The following FHIT variants were observed in gnomAD, a reference collection of about 807,000 sequenced individuals.
FHIT encodes the protein fragile histidine triad diadenosine triphosphatase.
In FHIT, 19 loss-of-function variants were observed where a neutral mutation model predicts 17.9. The observed-to-expected ratio is 1.06, with a 90% CI of 0.74 to 1.56. The LOEUF is 1.56. Ranked by LOEUF, FHIT falls within the 40% of genes most tolerant of loss-of-function variation. FHIT has a pLI of 0.00. For synonymous variants in FHIT, 81 were observed against 69.7 expected, an observed-to-expected ratio of 1.16 and a Z score of -0.81; for missense variants, 248 against 189.2, an observed-to-expected ratio of 1.31 and a Z score of -1.82.
At chr3:60,743,718 C>T (rs2042284125) in intron 4 of FHIT, among the ~76,000 whole-genome samples, 1 of 152,166 alleles carries the variant, frequency 6.6e-6, no homozygotes. Context: ...GAAAAATCTC[C>T]CTCTGGCTAC....
chr3:60,525,361 C>T (rs993312660), intron 5 of FHIT, among the ~76,000 whole-genome samples: 1 of 152,146 alleles, frequency 6.6e-6, no homozygotes, highest in Non-Finnish European at 1.5e-5. Context: ...AAATATTTAT[C>T]AACCATCTAA....
chr3:60,813,920 T>C (rs566620391), intron 4 of FHIT, among the ~76,000 whole-genome samples: 6 of 152,334 alleles, frequency 3.9e-5, no homozygotes, highest in African/African-American at 9.6e-5. Context: ...CTAGACTTCC[T>C]ATGCTGTTTC....
intron 8 of FHIT, among the ~76,000 whole-genome samples, chr3:59,754,871 A>T (rs1701125038): frequency 6.6e-6 from 1 of 152,126 alleles, no homozygotes; most frequent in African/African-American, 2.4e-5. Flanking sequence ...AGATGGAAGC[A>T]TGTGGTTCTG....
intron 5 of FHIT, among the ~76,000 whole-genome samples, chr3:60,361,556 A>C (rs1699907508): frequency 6.6e-6 from 1 of 152,204 alleles, no homozygotes; most frequent in East Asian, 1.9e-4. Context: ...TTCTTCATAG[A>C]AGATGCAATG....
intron 4 of FHIT, among the ~76,000 whole-genome samples, chr3:60,767,227 G>A (rs1180622966): frequency 1.3e-5 from 2 of 152,152 alleles, no homozygotes; most frequent in South Asian, 2.1e-4. Context: ...CAAAAGGCAA[G>A]TGAATCTGTA....
chr3:60,566,023 G>C (rs906146480), intron 4 of FHIT, among the ~76,000 whole-genome samples: 1 of 152,162 alleles, frequency 6.6e-6, no homozygotes, highest in Non-Finnish European at 1.5e-5. Context: ...TATGTACCCA[G>C]TAGTCATTCA....
intron 5 of FHIT, among the ~76,000 whole-genome samples, chr3:60,137,704 A>T (rs1699873187): frequency 6.6e-6 from 1 of 152,052 alleles, no homozygotes. Flanking sequence ...AATAAGCCAA[A>T]GGCTAGAGTC....
intron 5 of FHIT, among the ~76,000 whole-genome samples, chr3:60,334,885 A>G (rs769976413): frequency 2.0e-5 from 3 of 152,232 alleles, no homozygotes; most frequent in Non-Finnish European, 4.4e-5. Flanking sequence ...TTTTTTTTCT[A>G]CCTGCATTCA....
chr3:60,308,580 C>G (rs892302267), intron 5 of FHIT, among the ~76,000 whole-genome samples: 1 of 151,180 alleles, frequency 6.6e-6, no homozygotes, highest in African/African-American at 2.4e-5. Context: ...GGGTCCCCCC[C>G]CAACAATTAG....
intron 1 of FHIT, among the ~76,000 whole-genome samples, chr3:61,209,532 T>TC (rs1327218188): frequency 6.6e-6 from 1 of 152,138 alleles, no homozygotes; most frequent in South Asian, 2.1e-4. Context: ...ATTATTTTTT[T>TC]TCTAAACTTC....
intron 1 of FHIT, among the ~76,000 whole-genome samples, chr3:61,206,956 T>G (rs2039257783): frequency 6.6e-6 from 1 of 152,226 alleles, no homozygotes; most frequent in Non-Finnish European, 1.5e-5. Flanking sequence ...GCTGTGGGTT[T>G]GTCATAGATA....
chr3:60,402,193 A>C (rs1701684188), intron 5 of FHIT, among the ~76,000 whole-genome samples: 1 of 152,214 alleles, frequency 6.6e-6, no homozygotes, highest in Non-Finnish European at 1.5e-5. Flanking sequence ...AGATTGTATT[A>C]ATAAGCAAGG....
Position 60,136,316 on chromosome 3 carries a change from C to A in FHIT, c.104-122164G>T, listed in dbSNP as rs372840794. On this transcript the variant is annotated intron_variant, in intron 5 of 9. Transcript: ENST00000492590. ...CAAGTGTAACTAGTAACTGTACTAA[C>A]AGAGCCAAGGGCTATATATTCTTCT... is the stretch of plus-strand genomic sequence containing the variant. Among the ~76,000 whole-genome samples the A allele has an allele frequency of 2.1e-3, 316 of 152,258 alleles. 1 individual carries two copies. The highest frequency in any genetic ancestry group is 7.2e-3 in the African/African-American group (300 of 41,560).
At chr3:60,683,984 A>C (rs553740558) in intron 4 of FHIT, among the ~76,000 whole-genome samples, 1 of 152,152 alleles carries the variant, frequency 6.6e-6, no homozygotes, top group South Asian at 2.1e-4. Context: ...GTCTCATTTA[A>C]TCCTGGAAAA....
chr3:60,064,495 C>T (rs1270082591), intron 5 of FHIT, among the ~76,000 whole-genome samples: 2 of 152,138 alleles, frequency 1.3e-5, no homozygotes, highest in Admixed American at 6.6e-5. Flanking sequence ...AGAATTTTGA[C>T]CGCATAGTAA....
At position 60,234,887 on chromosome 3, in the gene FHIT, TTAA is replaced by T. The variant is rs569408967; in HGVS notation, c.104-220738_104-220736del. Among the ~76,000 whole-genome samples, 14 of 152,284 alleles carry T rather than the reference TTAA, an allele frequency of 9.2e-5. No individual in the cohort carries two copies. The East Asian group carries it at 2.5e-3, about 27-fold the overall frequency. On this transcript the variant is annotated intron_variant, in intron 5 of 9. Transcript: ENST00000492590. ...CTTTAATCCTTCTTTGAGATGTTGT[TTAA>T]TAATGATGGTTTAGTATCACATTCG...
intron 7 of FHIT, among the ~76,000 whole-genome samples, chr3:60,002,417 T>A (rs1304181511): frequency 2.0e-5 from 3 of 152,152 alleles, no homozygotes; most frequent in Non-Finnish European, 4.4e-5. Flanking sequence ...ACAAGAGGCT[T>A]CTTTGGAGAA....
At position 60,595,644 on chromosome 3, in the gene FHIT, T is replaced by TA. The variant is rs2038244824; in HGVS notation, c.-17-58666dup. Among the ~76,000 whole-genome samples, 18 of 150,994 alleles carry TA rather than the reference T, an allele frequency of 1.2e-4. No individual in the cohort carries two copies. In the South Asian group the frequency reaches 3.8e-3, roughly 32 times the overall value. Reference sequence around the variant, plus strand: ...ATGTATATATGTGTGTGTGTGTGTATAGTGTGTGTATGTGTGTATTTTAAG... The same window carrying TA: ...ATGTATATATGTGTGTGTGTGTGTATAAGTGTGTGTATGTGTGTATTTTAAG... On this transcript the variant is annotated intron_variant, in intron 4 of 9. Transcript: ENST00000492590.
intron 5 of FHIT, among the ~76,000 whole-genome samples, chr3:60,462,494 G>A (rs944464267): frequency 2.6e-5 from 4 of 152,180 alleles, no homozygotes; most frequent in African/African-American, 9.7e-5. Flanking sequence ...TGAAAAGAAT[G>A]TATAATTAGA....
Sources: allele counts gnomAD v4.1 joint callset (sites outside exome capture counted in the v4.1 genomes callset), GRCh38; gene constraint gnomAD v4.1.1; transcripts MANE v1.5; gene names NCBI Gene and HGNC (gene_info 2026-07-23, HGNC 2026-07-21).